The following INTS13 variants were observed in gnomAD, a reference collection of about 807,000 sequenced individuals.
The protein encoded by INTS13 is integrator complex subunit 13.
In INTS13, 35 loss-of-function variants were observed where a neutral mutation model predicts 90.2. The ratio of observed to expected loss-of-function variants is 0.39; its 90% confidence interval spans 0.30 to 0.51. INTS13 has a LOEUF of 0.51. INTS13 is among the 20% of genes least tolerant of loss of function. The probability of loss-of-function intolerance (pLI) is 0.80; values close to 1 mark genes in which losing one functional copy is unlikely to be tolerated. For synonymous variants in INTS13, 309 were observed against 277.1 expected (o/e 1.11, Z -1.14); for missense variants, 601 against 851.2 (o/e 0.71, Z 3.66).
Position 26,916,234 on chromosome 12 carries a change from T to C in INTS13, c.1070-54A>G, listed in dbSNP as rs1397807307. Reference sequence around the variant, plus strand: ...AATGAAACTCAAATGGGCTCTCATTTATTTCCTTGAGATTTATGTCTAGAT... The same window carrying C: ...AATGAAACTCAAATGGGCTCTCATTCATTTCCTTGAGATTTATGTCTAGAT... On this transcript the variant is annotated intron_variant, in intron 10 of 16. Coordinates refer to ENST00000261191, the MANE Select transcript of INTS13 (RefSeq NM_018164.3). 3 of 1,399,204 alleles carry C rather than the reference T, an allele frequency of 2.1e-6. No homozygotes were observed. In the African/African-American group the frequency reaches 4.3e-5, roughly 20 times the overall value. The allele number at this position is 1,399,204 out of a possible 1,614,324, so 86.7% of individuals were successfully genotyped here.
chr12:26,913,695 A>G lies in INTS13; in HGVS notation c.1575-8T>C. The G allele has an allele frequency of 6.3e-7, 1 of 1,585,588 alleles. No homozygotes were observed. The highest frequency in any genetic ancestry group is 8.6e-7 in the Non-Finnish European group (1 of 1,160,418). On this transcript the variant is annotated splice_polypyrimidine_tract_variant and splice_region_variant and intron_variant, in intron 13 of 16. Coordinates refer to ENST00000261191, the MANE Select transcript of INTS13 (RefSeq NM_018164.3). ...ATACGGTATTGTTCATCTCTGCAGC[A>G]AAGATTTGGAAATACTCTTTAAATA...
Position 26,911,264 on chromosome 12 carries a change from A to T in INTS13, c.1859T>A (p.Ile620Lys). 1 of 1,613,910 alleles carries T rather than the reference A, an allele frequency of 6.2e-7. No individual in the cohort carries two copies. Among genetic ancestry groups the T allele is most frequent in the Non-Finnish European group, 8.5e-7 (1 of 1,179,832 alleles). ...GKEELAEAEI[I>K]KDSPDSPEPP... is the part of the protein sequence containing the mutation. Reference sequence around the variant, plus strand: ...TTCTGGGGAATCAGGCGAATCTTTTATAATCTCAGCTTCAGCCAATTCTTC... The same window carrying T: ...TTCTGGGGAATCAGGCGAATCTTTTTTAATCTCAGCTTCAGCCAATTCTTC... Residue 620 changes from isoleucine to lysine, a missense_variant, in exon 15 of 17, where the codon ATA (isoleucine) becomes AAA (lysine). Physicochemically the swap from Ile to Lys is moderately radical, Grantham distance 102 (BLOSUM62 -3). This residue lies in a region of INTS13 where 228 missense variants were observed against 272.5 expected (regional missense o/e 0.84). Coordinates refer to ENST00000261191, the MANE Select transcript of INTS13 (RefSeq NM_018164.3).
At position 26,905,554 on chromosome 12, in the gene INTS13, A is replaced by G; in HGVS notation, c.2082-18T>C. 1 of 1,607,024 alleles carries G rather than the reference A, an allele frequency of 6.2e-7. No individual in the cohort carries two copies. Among genetic ancestry groups the G allele is most frequent in the Non-Finnish European group, 8.5e-7 (1 of 1,176,812 alleles). On this transcript the variant is annotated intron_variant, in intron 16 of 16. Transcript: ENST00000261191. Reference sequence around the variant, plus strand: ...TCTCCATCCTGAAATAGGAAGAAAAAAACGAGTTGATAAAATAAATATTCA... The same window carrying G: ...TCTCCATCCTGAAATAGGAAGAAAAGAACGAGTTGATAAAATAAATATTCA...
rs1592189680 is a variant in INTS13 at position 26,905,549 on chromosome 12, GA to G, written c.2082-14del. 6.2e-7 allele frequency: 1 copy of G among 1,605,630 alleles called. No individual in the cohort carries two copies. On this transcript the variant is annotated splice_polypyrimidine_tract_variant and intron_variant, in intron 16 of 16. Transcript: ENST00000261191. ...TGTTGTCTCCATCCTGAAATAGGAA[GA>G]AAAAAACGAGTTGATAAAATAAATA...
In INTS13 at chr12:26,905,408, A is replaced by G; in HGVS notation, c.*89T>C. The G allele has an allele frequency of 8.2e-7, 1 of 1,223,214 alleles. No homozygotes were observed. The highest frequency in any genetic ancestry group is 1.2e-6 in the Non-Finnish European group (1 of 844,114). 75.8% of individuals were successfully genotyped at this position (1,223,214 alleles called of 1,614,324 possible). ...TGTAAAAACCAGTCCAGGCAACATA[A>G]CTATACCATCTTGCTGTAAAAGTAC... On this transcript the variant is annotated 3_prime_UTR_variant, in exon 17 of 17. Coordinates refer to ENST00000261191, the MANE Select transcript of INTS13 (RefSeq NM_018164.3).
At position 26,916,123 on chromosome 12, in the gene INTS13, A is replaced by G. The variant is rs754294007; in HGVS notation, c.1127T>C (p.Met376Thr). The G allele has an allele frequency of 1.9e-6, 3 of 1,613,920 alleles. No individual in the cohort carries two copies. Among genetic ancestry groups the G allele is most frequent in the Non-Finnish European group, 2.5e-6 (3 of 1,179,934 alleles). ...RKSGSKVISH[M>T]LSSHGGEIFL... ...AATCTCTCCTCCATGGCTACTAAGCATATGACTAATGACTTTAGAACCTGA... is the reference window on the plus strand; with the variant it reads ...AATCTCTCCTCCATGGCTACTAAGCGTATGACTAATGACTTTAGAACCTGA... The change falls in exon 11 of 17, where the codon ATG becomes ACG. Residue 376 changes from methionine (M) to threonine (T), a missense_variant. Transcript: ENST00000261191.
chr12:26,919,308 G>T (rs1049206773), intron 8 of INTS13, among the ~76,000 whole-genome samples: 1 of 152,124 alleles, frequency 6.6e-6, no homozygotes, highest in Non-Finnish European at 1.5e-5. Flanking sequence ...AAACAGAGAA[G>T]ATTAGTATGC....
rs147249305 is a variant in INTS13 at position 26,908,137 on chromosome 12, C to T, written c.1946-1700G>A. Among the ~76,000 whole-genome samples, 3 of 152,116 alleles carry T rather than the reference C, an allele frequency of 2.0e-5. No individual in the cohort carries two copies. The East Asian group carries it at 5.8e-4, about 29-fold the overall frequency. On this transcript the variant is annotated intron_variant, in intron 15 of 16. Coordinates refer to ENST00000261191, the MANE Select transcript of INTS13 (RefSeq NM_018164.3). ...AGACATTCCGAAAAATTACAGGGAG[C>T]ACAATTATAGGAAGAGAAAACATAT...
chr12:26,907,407 CA>C (rs754460963), intron 15 of INTS13, among the ~76,000 whole-genome samples: 8 of 152,106 alleles, frequency 5.3e-5, no homozygotes, highest in African/African-American at 1.4e-4. Context: ...ACATCGTAGG[CA>C]AAAGGATTAA....
Position 26,925,950 on chromosome 12 carries a change from T to C in INTS13, c.585-99A>G, listed in dbSNP as rs964688318. The C allele has an allele frequency of 2.8e-5, 22 of 788,802 alleles. No homozygotes were observed. In the South Asian group the frequency reaches 3.4e-4, roughly 12 times the overall value. 48.9% of individuals were successfully genotyped at this position (788,802 alleles called of 1,614,324 possible). A position where few individuals can be genotyped will look rare whatever the true frequency, so the allele number is the denominator to read the frequency against. ...AACCTTAACATATTAAAACATCATA[T>C]TGCTACAATTAGATATTACTGTTAA... is the stretch of plus-strand genomic sequence containing the variant. On this transcript the variant is annotated intron_variant, in intron 5 of 16. Coordinates refer to ENST00000261191, the MANE Select transcript of INTS13 (RefSeq NM_018164.3).
intron 15 of INTS13, among the ~76,000 whole-genome samples, chr12:26,908,556 G>A (rs180818376): frequency 2.2e-3 from 324 of 148,152 alleles, no homozygotes; most frequent in African/African-American, 7.8e-3. Flanking sequence ...TTTTGTTACT[G>A]CATCATACAA....
intron 5 of INTS13, among the ~76,000 whole-genome samples, chr12:26,927,282 T>C (rs959044377): frequency 4.3e-4 from 65 of 152,228 alleles, no homozygotes; most frequent in Non-Finnish European, 8.8e-5. Flanking sequence ...GAGATTTGTG[T>C]CTAAGTGGGT....
At position 26,925,859 on chromosome 12, in the gene INTS13, A is replaced by T; in HGVS notation, c.585-8T>A. ...TTTTGAATCTGCATGAGACTTAAAG[A>T]GAAATTTTTGACTTAAAATTTAAGA... is the stretch of plus-strand genomic sequence containing the variant. On this transcript the variant is annotated splice_polypyrimidine_tract_variant and splice_region_variant and intron_variant, in intron 5 of 16. Transcript: ENST00000261191. 6.3e-7 allele frequency: 1 copy of T among 1,599,400 alleles called. No individual in the cohort carries two copies. Among genetic ancestry groups the T allele is most frequent in the Non-Finnish European group, 8.5e-7 (1 of 1,174,062 alleles).
chr12:26,906,588 A>G, intron 15 of INTS13, 151 bp from the exon 16 acceptor site: 1 of 785,154 alleles, frequency 1.3e-6, no homozygotes, highest in Non-Finnish European at 2.0e-6. Flanking sequence ...CGATTAAGGC[A>G]ATCATTTTCC....
chr12:26,913,584 A>G lies in INTS13; in HGVS notation c.1678T>C (p.Cys560Arg), dbSNP rs766940470. 1 of 1,613,950 alleles carries G rather than the reference A, an allele frequency of 6.2e-7. No individual in the cohort carries two copies. Among genetic ancestry groups the G allele is most frequent in the Admixed American group, 1.7e-5 (1 of 59,996 alleles). ...TCCTCTTCTGGGGGTTTGCTCCTGC[A>G]TGCCATCAGACATTCCAAGACTCTT... ...HQRVLECLMA[C>R]RSKPPEEEER... Residue 560 changes from cysteine (C) to arginine (R), a missense_variant, in exon 14 of 17, where the codon TGC becomes CGC. Transcript: ENST00000261191.
In INTS13 at chr12:26,909,493, T is replaced by TA. The variant is rs1491111499; in HGVS notation, c.1945+1684dup. On this transcript the variant is annotated intron_variant, in intron 15 of 16. Transcript: ENST00000261191. Reference sequence around the variant, plus strand: ...TACTCTTTTTTTTTTTTTTTTTTTTTAGAGATGGAGTCTTACTCTGTCGCC... The same window carrying TA: ...TACTCTTTTTTTTTTTTTTTTTTTTTAAGAGATGGAGTCTTACTCTGTCGCC... Among the ~76,000 whole-genome samples the TA allele has an allele frequency of 1.1e-3, 161 of 141,818 alleles. 1 individual carries two copies. The highest frequency in any genetic ancestry group is 3.9e-3 in the African/African-American group (147 of 37,676). The allele number at this position is 141,818 out of a possible 152,430, so 93.0% of individuals were successfully genotyped here. A position where few individuals can be genotyped will look rare whatever the true frequency, so the allele number is the denominator to read the frequency against.
At chr12:26,908,338 A>G (rs957414658) in intron 15 of INTS13, among the ~76,000 whole-genome samples, 1 of 152,222 alleles carries the variant, frequency 6.6e-6, no homozygotes, top group African/African-American at 2.4e-5. Flanking sequence ...TGTACATCAA[A>G]AAGAGCTAAT....
At chr12:26,912,982 C>T (rs1334891097) in intron 14 of INTS13, among the ~76,000 whole-genome samples, 5 of 152,090 alleles carry the variant, frequency 3.3e-5, no homozygotes, top group African/African-American at 7.2e-5. Context: ...CCACCCGCCT[C>T]GGCCTCCCAA....
intron 8 of INTS13, among the ~76,000 whole-genome samples, chr12:26,921,605 T>C (rs534769766): frequency 1.3e-5 from 2 of 152,336 alleles, no homozygotes; most frequent in Non-Finnish European, 2.9e-5. Context: ...CCCCCGACTT[T>C]GCTGTGTCGC....
Sources: gnomAD v4.1 joint callset for allele counts (sites outside exome capture counted in the v4.1 genomes callset) on GRCh38, gnomAD v4.1.1 for gene constraint, gnomAD v4.1.1 regional missense constraint, MANE v1.5 for transcripts, NCBI Gene and HGNC (gene_info 2026-07-23, HGNC 2026-07-21) for gene names.